Variants in LRRTM4 observed in about 807,000 individuals in gnomAD.
The protein encoded by LRRTM4 is leucine-rich repeat transmembrane neuronal protein 4.
LRRTM4 carries 25 observed loss-of-function variants against 47.6 expected under a neutral mutation model. The ratio of observed to expected loss-of-function variants is 0.53; its 90% CI spans 0.38 to 0.73. The LOEUF (loss-of-function observed/expected upper bound fraction) is 0.73. Ranked by LOEUF, LRRTM4 falls within the 30% of genes least tolerant of loss-of-function variation. LRRTM4 has a pLI of 0.00. For synonymous variants in LRRTM4, 311 were observed against 269.5 expected (o/e 1.15, Z -1.51); for missense variants, 638 against 713.4 (o/e 0.89, Z 1.20).
At chr2:76,908,446 C>A (rs1168260143) in intron 3 of LRRTM4, among the ~76,000 whole-genome samples, 3 of 150,818 alleles carry the variant, frequency 2.0e-5, no homozygotes, top group African/African-American at 7.3e-5. Flanking sequence ...ACAGGGATGC[C>A]CTCTCTCACC....
intron 3 of LRRTM4, among the ~76,000 whole-genome samples, chr2:77,146,690 G>A (rs186428601): frequency 1.4e-4 from 22 of 152,152 alleles, no homozygotes; most frequent in Middle Eastern, 6.8e-3. Context: ...TTAAACATAT[G>A]TTTCACTAAC....
intron 3 of LRRTM4, among the ~76,000 whole-genome samples, chr2:77,173,932 C>T (rs574685408): frequency 6.6e-6 from 1 of 152,276 alleles, no homozygotes; most frequent in African/African-American, 2.4e-5. Flanking sequence ...TTGCCAGAAT[C>T]TTCTTTCTTT....
At chr2:77,290,196 C>A (rs1676782682) in intron 3 of LRRTM4, among the ~76,000 whole-genome samples, 2 of 151,840 alleles carry the variant, frequency 1.3e-5, no homozygotes, top group Non-Finnish European at 2.9e-5. Context: ...GAAACTTTCC[C>A]AGTCACTATA....
chr2:77,052,469 G>C (rs376766696), intron 3 of LRRTM4, among the ~76,000 whole-genome samples: 1 of 151,668 alleles, frequency 6.6e-6, no homozygotes, highest in African/African-American at 2.4e-5. Context: ...ATGCCCAGCC[G>C]ACATCTCCCT....
intron 3 of LRRTM4, among the ~76,000 whole-genome samples, chr2:76,906,959 A>C (rs1269824953): frequency 1.1e-4 from 17 of 152,220 alleles, no homozygotes; most frequent in African/African-American, 3.9e-4. Context: ...GTTAACAAGG[A>C]TACCCAGGAA....
rs1680194624 is a variant in LRRTM4, at chr2:77,072,704, C to A, written c.1552-323788G>T. On this transcript the variant is annotated intron_variant, in intron 3 of 3. Transcript: ENST00000409884. ...GTTCCAGCTACTCGGGAGGCTGAGGCAGGAGAATCGCTTAAGCCCTGGAGA... is the reference window on the plus strand; with the variant it reads ...GTTCCAGCTACTCGGGAGGCTGAGGAAGGAGAATCGCTTAAGCCCTGGAGA... Among the ~76,000 whole-genome samples the A allele has an allele frequency of 7.7e-5, 11 of 142,498 alleles. 1 individual carries two copies. In the South Asian group the frequency reaches 2.5e-3, roughly 32 times the overall value. The allele number at this position is 142,498 out of a possible 152,430, so 93.5% of individuals were successfully genotyped here.
chr2:77,275,121 TC>T (rs1441282547), intron 3 of LRRTM4, among the ~76,000 whole-genome samples: 2 of 152,164 alleles, frequency 1.3e-5, no homozygotes, highest in Non-Finnish European at 2.9e-5. Context: ...CCATTTAAAC[TC>T]ATCCTGACAT....
chr2:77,062,091 G>A (rs1047409046), intron 3 of LRRTM4, among the ~76,000 whole-genome samples: 4 of 152,090 alleles, frequency 2.6e-5, no homozygotes, highest in African/African-American at 9.7e-5. Context: ...AAATATTTTC[G>A]TCATTGGTCA....
At chr2:77,437,280 G>A (rs916685021) in intron 3 of LRRTM4, among the ~76,000 whole-genome samples, 2 of 151,982 alleles carry the variant, frequency 1.3e-5, no homozygotes, top group Non-Finnish European at 2.9e-5. Flanking sequence ...TTCTGAGCAG[G>A]CAAGCATGAG....
At chr2:77,283,606 A>G (rs1676564810) in intron 3 of LRRTM4, among the ~76,000 whole-genome samples, 1 of 152,038 alleles carries the variant, frequency 6.6e-6, no homozygotes, top group Non-Finnish European at 1.5e-5. Context: ...TTAAGAAAAT[A>G]TGGTTCATAT....
At chr2:77,076,372 A>G (rs1179474500) in intron 3 of LRRTM4, among the ~76,000 whole-genome samples, 1 of 152,162 alleles carries the variant, frequency 6.6e-6, no homozygotes, top group Non-Finnish European at 1.5e-5. Flanking sequence ...TGAGTCCCTA[A>G]TGGAATGTAA....
intron 3 of LRRTM4, among the ~76,000 whole-genome samples, chr2:77,352,087 T>C (rs888890023): frequency 6.6e-6 from 1 of 152,272 alleles, no homozygotes; most frequent in African/African-American, 2.4e-5. Context: ...TGAGCATCAA[T>C]TGGCAATGAG....
intron 3 of LRRTM4, among the ~76,000 whole-genome samples, chr2:77,350,251 G>A (rs1225094475): frequency 1.4e-5 from 2 of 146,976 alleles, no homozygotes; most frequent in East Asian, 2.0e-4. Flanking sequence ...GCGTGAACCC[G>A]GGAAGCGGAG....
chr2:76,984,312 G>A (rs1490212676), intron 3 of LRRTM4, among the ~76,000 whole-genome samples: 1 of 151,848 alleles, frequency 6.6e-6, no homozygotes, highest in Non-Finnish European at 1.5e-5. Context: ...CTCAAATTTA[G>A]AAATGTTTCA....
chr2:76,803,456 C>T (rs551805620), intron 3 of LRRTM4, among the ~76,000 whole-genome samples: 3 of 151,928 alleles, frequency 2.0e-5, no homozygotes, highest in Non-Finnish European at 2.9e-5. Context: ...TACATTTTGG[C>T]GAGGTTGTGG....
At position 77,349,375 on chromosome 2, in the gene LRRTM4, C is replaced by T. The variant is rs116124886; in HGVS notation, c.1551+168943G>A. Among the ~76,000 whole-genome samples the T allele has an allele frequency of 7.1e-3, 1,078 of 151,458 alleles. 19 individuals carry two copies. Among genetic ancestry groups the T allele is most frequent in the African/African-American group, 0.025 (1,043 of 41,388 alleles). On this transcript the variant is annotated intron_variant, in intron 3 of 3. Coordinates refer to ENST00000409884, the MANE Select transcript of LRRTM4 (RefSeq NM_001134745.3). ...AAAATGCTTATGAATGAATTTTATACGAAAAGTCTAGAAGAAATGGTAACA... is the reference window on the plus strand; with the variant it reads ...AAAATGCTTATGAATGAATTTTATATGAAAAGTCTAGAAGAAATGGTAACA...
At chr2:77,056,698 G>C (rs1402540364) in intron 3 of LRRTM4, among the ~76,000 whole-genome samples, 1 of 152,016 alleles carries the variant, frequency 6.6e-6, no homozygotes, top group Admixed American at 6.6e-5. Flanking sequence ...TATGTACCTG[G>C]GTATATTCTT....
chr2:76,804,673 ATATAT>A (rs1675875744), intron 3 of LRRTM4, among the ~76,000 whole-genome samples: 1 of 147,942 alleles, frequency 6.8e-6, no homozygotes, highest in Non-Finnish European at 1.5e-5. Context: ...AGTATAAAAA[ATATAT>A]ATTTATACAT....
At chr2:76,847,749 G>T (rs1671878619) in intron 3 of LRRTM4, among the ~76,000 whole-genome samples, 1 of 151,898 alleles carries the variant, frequency 6.6e-6, no homozygotes. Flanking sequence ...TACTTTATAA[G>T]AAATTTTTGA....
Sources: gnomAD v4.1 joint callset for allele counts (sites outside exome capture counted in the v4.1 genomes callset) on GRCh38, gnomAD v4.1.1 for gene constraint, MANE v1.5 for transcripts, NCBI Gene and HGNC (gene_info 2026-07-23, HGNC 2026-07-21) for gene names.